Variants in CNBD1 observed in about 807,000 individuals in gnomAD.
CNBD1 encodes cyclic nucleotide binding domain containing 1, also known as cyclic nucleotide-binding domain-containing protein 1.
Under a neutral mutation model 54.4 loss-of-function variants are expected in CNBD1, and 71 were observed. The observed-to-expected ratio is 1.30, with a 90% CI of 1.08 to 1.59. CNBD1 has a LOEUF of 1.59. Among genes scored for constraint, CNBD1 ranks in the 40% most tolerant of loss-of-function variants. The pLI is 0.00. For synonymous variants in CNBD1, 182 were observed against 170.7 expected (o/e 1.07, Z -0.51); for missense variants, 659 against 518.0 (o/e 1.27, Z -2.64).
intron 8 of CNBD1, among the ~76,000 whole-genome samples, chr8:87,308,761 C>A (rs1397815776): frequency 2.0e-5 from 3 of 152,134 alleles, no homozygotes; most frequent in Admixed American, 1.3e-4. Context: ...CCCTTCCTAG[C>A]CTCTCATATT....
At chr8:87,070,664 A>G (rs1810742403) in intron 4 of CNBD1, among the ~76,000 whole-genome samples, 1 of 151,934 alleles carries the variant, frequency 6.6e-6, no homozygotes, top group South Asian at 2.1e-4. Flanking sequence ...TTTTTGGAGG[A>G]TTAGTTTAGG....
chr8:87,419,407 C>A (rs368121471), intron 2 of CNBD1, among the ~76,000 whole-genome samples: 2 of 151,890 alleles, frequency 1.3e-5, no homozygotes, highest in East Asian at 3.9e-4. Context: ...CACTGAAAAC[C>A]ACTAAACTGT....
chr8:87,264,097 T>C (rs1586374461), intron 6 of CNBD1, among the ~76,000 whole-genome samples: 1 of 152,118 alleles, frequency 6.6e-6, no homozygotes, highest in Admixed American at 6.5e-5. Context: ...GCTGCACCCA[T>C]TAACTCGTCA....
At chr8:87,382,095 T>G (rs1586066873) in intron 10 of CNBD1, among the ~76,000 whole-genome samples, 1 of 152,020 alleles carries the variant, frequency 6.6e-6, no homozygotes, top group African/African-American at 2.4e-5. Context: ...ATAAAAATGT[T>G]ATTAAATAAT....
rs1378305041 is a variant in CNBD1 at position 87,372,986 on chromosome 8, C to G, written c.1304-9634C>G. 1.3e-4 allele frequency among the ~76,000 whole-genome samples: 19 copies of G among 151,694 alleles called. No homozygotes were observed. In the Admixed American group the frequency reaches 1.3e-3, roughly 10 times the overall value. On this transcript the variant is annotated intron_variant, in intron 10 of 10. Coordinates refer to ENST00000518476, the MANE Select transcript of CNBD1 (RefSeq NM_173538.3). ...TTCTGTCTACCTTACACTTCTGTTACTTTAAGTAGTTTTAATTACATACTT... is the reference window on the plus strand; with the variant it reads ...TTCTGTCTACCTTACACTTCTGTTAGTTTAAGTAGTTTTAATTACATACTT...
chr8:87,241,178 G>C (rs1028949370), intron 6 of CNBD1, among the ~76,000 whole-genome samples: 2 of 151,018 alleles, frequency 1.3e-5, no homozygotes, highest in Non-Finnish European at 2.9e-5. Context: ...AGTTGAAGGA[G>C]TTTGTACTCA....
intron 8 of CNBD1, among the ~76,000 whole-genome samples, chr8:87,316,272 C>G (rs10087955): frequency 0.38 from 57,839 of 151,762 alleles, 11,300 homozygotes; most frequent in Middle Eastern, 0.45. Context: ...AAGAGAAATA[C>G]AATTAGAATG....
At chr8:87,383,296 C>A (rs10435532), downstream of CNBD1, among the ~76,000 whole-genome samples, 14,964 of 152,058 alleles carry the variant, frequency 0.098, 742 homozygotes, top group African/African-American at 0.11. Flanking sequence ...TTCAGTTTAT[C>A]TTTTCATCAG....
chr8:86,952,854 A>G (rs540829214), intron 4 of CNBD1, among the ~76,000 whole-genome samples: 49 of 152,306 alleles, frequency 3.2e-4, no homozygotes, highest in African/African-American at 1.0e-3. Flanking sequence ...AACTTTTGTC[A>G]TTCTTTCCTC....
chr8:87,410,048 T>G (rs1239183733), intron 2 of CNBD1, among the ~76,000 whole-genome samples: 2 of 151,956 alleles, frequency 1.3e-5, no homozygotes, highest in Admixed American at 1.3e-4. Context: ...TAAGTTAAAT[T>G]TATTCTTCCT....
At chr8:86,868,982 G>C (rs1259573614) in intron 1 of CNBD1, among the ~76,000 whole-genome samples, 1 of 151,946 alleles carries the variant, frequency 6.6e-6, no homozygotes, top group Non-Finnish European at 1.5e-5. Flanking sequence ...GACTCGACTG[G>C]CCCTTGCTGG....
intron 2 of CNBD1, among the ~76,000 whole-genome samples, chr8:87,415,028 C>G (rs1460931305): frequency 6.6e-6 from 1 of 152,008 alleles, no homozygotes; most frequent in Non-Finnish European, 1.5e-5. Context: ...TGAAGGGGGA[C>G]CTGCTCAGTG....
chr8:87,273,479 A>G (rs1808410522), intron 6 of CNBD1, among the ~76,000 whole-genome samples: 2 of 151,908 alleles, frequency 1.3e-5, no homozygotes, highest in African/African-American at 2.4e-5. Context: ...ATAACAACAA[A>G]CCAATGCAAA....
chr8:87,121,491 G>A (rs1407550718), intron 4 of CNBD1, among the ~76,000 whole-genome samples: 2 of 151,724 alleles, frequency 1.3e-5, no homozygotes, highest in Admixed American at 6.6e-5. Context: ...TGACATATTA[G>A]TCAACTTGCA....
intron 4 of CNBD1, among the ~76,000 whole-genome samples, chr8:87,011,559 C>T (rs1189947518): frequency 6.6e-6 from 1 of 151,936 alleles, no homozygotes; most frequent in Non-Finnish European, 1.5e-5. Flanking sequence ...TTATCATAAG[C>T]AGGAACATAA....
intron 6 of CNBD1, among the ~76,000 whole-genome samples, chr8:87,254,844 A>G (rs534401686): frequency 8.1e-4 from 124 of 152,178 alleles, no homozygotes; most frequent in Non-Finnish European, 1.4e-3. Flanking sequence ...TTTTGAGGCT[A>G]CTGTAATAGA....
chr8:87,152,190 G>A (rs1184653844), intron 4 of CNBD1, among the ~76,000 whole-genome samples: 1 of 152,022 alleles, frequency 6.6e-6, no homozygotes, highest in Non-Finnish European at 1.5e-5. Context: ...GATTTGGGGA[G>A]GAACTGGAGT....
chr8:87,248,983 A>G (rs976168183), intron 6 of CNBD1, among the ~76,000 whole-genome samples: 3 of 152,198 alleles, frequency 2.0e-5, no homozygotes, highest in African/African-American at 7.2e-5. Flanking sequence ...ATTGAAGTAT[A>G]TCAACTCACT....
chr8:87,186,080 T>G (rs1813469320), intron 4 of CNBD1, among the ~76,000 whole-genome samples: 1 of 152,138 alleles, frequency 6.6e-6, no homozygotes, highest in Admixed American at 6.5e-5. Context: ...TTTTAGATGT[T>G]TCCAGCAGGT....
Sources: allele counts gnomAD v4.1 joint callset (sites outside exome capture counted in the v4.1 genomes callset), GRCh38; gene constraint gnomAD v4.1.1; transcripts MANE v1.5; gene names NCBI Gene and HGNC (gene_info 2026-07-23, HGNC 2026-07-21).